Variants in MALRD1 observed in about 807,000 individuals in gnomAD.
MALRD1 encodes MAM and LDL receptor class A domain containing 1.
Under a neutral mutation model 242.1 loss-of-function variants are expected in MALRD1, and 247 were observed. The ratio of observed to expected loss-of-function variants is 1.02; its 90% confidence interval spans 0.92 to 1.13. MALRD1 has a LOEUF of 1.13. MALRD1 is among the 50% of genes most tolerant of loss of function. The probability of loss-of-function intolerance (pLI) is 0.00; values close to 1 mark genes in which losing one functional copy is unlikely to be tolerated. For missense variants in MALRD1, 2,989 were observed against 2,533.1 expected, an observed-to-expected ratio of 1.18 and a Z score of -3.86; for synonymous variants, 995 against 866.6, an observed-to-expected ratio of 1.15 and a Z score of -2.60.
At chr10:19,570,783 T>C (rs922332821) in intron 33 of MALRD1, among the ~76,000 whole-genome samples, 4 of 152,040 alleles carry the variant, frequency 2.6e-5, no homozygotes, top group African/African-American at 9.7e-5. Flanking sequence ...AAATATAATA[T>C]CTGTCTCTGA....
chr10:19,165,106 C>G (rs777184726), intron 12 of MALRD1, among the ~76,000 whole-genome samples: 1 of 151,088 alleles, frequency 6.6e-6, no homozygotes, highest in African/African-American at 2.4e-5. Context: ...TCAATGTGTA[C>G]CTCTCATATT....
chr10:19,436,383 C>T (rs914035513), intron 28 of MALRD1, among the ~76,000 whole-genome samples: 15 of 152,162 alleles, frequency 9.9e-5, no homozygotes, highest in African/African-American at 3.6e-4. Context: ...TCTATTACCA[C>T]AGGGATCATT....
intron 38 of MALRD1, chr10:19,711,310 A>G (rs900991924): frequency 2.0e-5 from 3 of 152,222 alleles, no homozygotes; most frequent in African/African-American, 7.2e-5. Flanking sequence ...AGAAACACAT[A>G]AGTCAGAAAC....
chr10:19,419,648 C>A (rs61851069), intron 28 of MALRD1, among the ~76,000 whole-genome samples: 10,629 of 152,090 alleles, frequency 0.07, 456 homozygotes, highest in East Asian at 0.12. Flanking sequence ...TGGAAAAATC[C>A]TTTTACTCGT....
At chr10:19,460,121 C>T (rs1281563350) in intron 29 of MALRD1, among the ~76,000 whole-genome samples, 4 of 152,054 alleles carry the variant, frequency 2.6e-5, no homozygotes, top group Admixed American at 2.6e-4. Context: ...CTTATTTTCA[C>T]TCAAAATGAA....
intron 18 of MALRD1, among the ~76,000 whole-genome samples, chr10:19,240,887 C>A (rs1838735681): frequency 6.6e-6 from 1 of 152,054 alleles, no homozygotes; most frequent in South Asian, 2.1e-4. Flanking sequence ...GCATGTTAAG[C>A]CATCCTTTCA....
intron 26 of MALRD1, among the ~76,000 whole-genome samples, chr10:19,378,974 A>G (rs1335224217): frequency 6.6e-6 from 1 of 152,034 alleles, no homozygotes; most frequent in Non-Finnish European, 1.5e-5. Flanking sequence ...TATGGCTTCT[A>G]TCCATGTAAT....
intron 36 of MALRD1, among the ~76,000 whole-genome samples, chr10:19,627,384 T>G (rs1839699553): frequency 6.6e-6 from 1 of 151,770 alleles, no homozygotes; most frequent in Non-Finnish European, 1.5e-5. Context: ...TTCAGTGTGG[T>G]AAAAGACACC....
chr10:19,701,216 C>A (rs1833613069), intron 38 of MALRD1, among the ~76,000 whole-genome samples: 1 of 152,038 alleles, frequency 6.6e-6, no homozygotes, highest in African/African-American at 2.4e-5. Context: ...AGGAAGCAGA[C>A]CAGCCTAGCA....
intron 34 of MALRD1, among the ~76,000 whole-genome samples, chr10:19,604,599 T>C (rs1838519094): frequency 1.3e-5 from 2 of 152,156 alleles, no homozygotes; most frequent in South Asian, 4.1e-4. Context: ...TATCTAGATC[T>C]AGCTAAAATC....
At chr10:19,231,685 A>G (rs1473927549) in intron 18 of MALRD1, among the ~76,000 whole-genome samples, 1 of 152,110 alleles carries the variant, frequency 6.6e-6, no homozygotes, top group Non-Finnish European at 1.5e-5. Flanking sequence ...CGTGACTGTG[A>G]GGCCTCCCCA....
At chr10:19,583,879 T>C (rs1837255813) in intron 33 of MALRD1, among the ~76,000 whole-genome samples, 1 of 152,194 alleles carries the variant, frequency 6.6e-6, no homozygotes, top group African/African-American at 2.4e-5. Context: ...TGGTAAGCTA[T>C]TGATTATTGC....
intron 33 of MALRD1, among the ~76,000 whole-genome samples, chr10:19,575,174 A>T (rs1184956578): frequency 6.6e-6 from 1 of 152,228 alleles, no homozygotes; most frequent in Non-Finnish European, 1.5e-5. Context: ...AACCAAATGC[A>T]GATGGCAAAT....
intron 24 of MALRD1, among the ~76,000 whole-genome samples, chr10:19,342,580 C>G (rs1843934662): frequency 1.3e-5 from 2 of 152,106 alleles, no homozygotes; most frequent in South Asian, 4.1e-4. Context: ...TATATAAATA[C>G]TAATCCCAAC....
intron 18 of MALRD1, among the ~76,000 whole-genome samples, chr10:19,252,023 A>G (rs918702014): frequency 6.6e-6 from 1 of 151,970 alleles, no homozygotes; most frequent in Non-Finnish European, 1.5e-5. Context: ...TGCTTACTGT[A>G]CAGGCTGTGG....
At chr10:19,363,747 A>G (rs760079541) in intron 26 of MALRD1, among the ~76,000 whole-genome samples, 13 of 152,170 alleles carry the variant, frequency 8.5e-5, no homozygotes, top group Non-Finnish European at 1.5e-5. Context: ...TAGGAGTTAC[A>G]GAAGGAGGGT....
At chr10:19,198,914 G>A (rs1224550583) in intron 14 of MALRD1, among the ~76,000 whole-genome samples, 1 of 152,108 alleles carries the variant, frequency 6.6e-6, no homozygotes, top group Admixed American at 6.5e-5. Flanking sequence ...GAAGTCTAGA[G>A]TTTAATTGCT....
intron 28 of MALRD1, among the ~76,000 whole-genome samples, chr10:19,428,485 T>C (rs1833987211): frequency 6.6e-6 from 1 of 152,042 alleles, no homozygotes; most frequent in African/African-American, 2.4e-5. Flanking sequence ...CCCCTTATTC[T>C]CCTAATCTCT....
chr10:19,155,314 A>G (rs954163642), intron 12 of MALRD1, 142 bp downstream of exon 12: 4 of 407,810 alleles, frequency 9.8e-6, no homozygotes, highest in Non-Finnish European at 1.3e-5. Flanking sequence ...ATTTCAACAC[A>G]AAATGCTACG....
Sources: allele counts gnomAD v4.1 joint callset (sites outside exome capture counted in the v4.1 genomes callset), GRCh38; gene constraint gnomAD v4.1.1; transcripts MANE v1.5; gene names NCBI Gene and HGNC (gene_info 2026-07-23, HGNC 2026-07-21).